The following C12orf43 variants were observed in gnomAD, a reference collection of about 807,000 sequenced individuals.
The protein encoded by C12orf43 is protein CUSTOS.
In C12orf43, 15 loss-of-function variants were observed where a neutral mutation model predicts 20.6. The observed-to-expected ratio is 0.73, with a 90% CI of 0.49 to 1.12. C12orf43 has a LOEUF of 1.12. Among genes scored for constraint, C12orf43 ranks in the 50% most tolerant of loss-of-function variants. The pLI, the probability that C12orf43 is intolerant of heterozygous loss-of-function variation, is 0.00. For missense variants in C12orf43, 334 were observed against 344.4 expected (o/e 0.97, Z 0.24); for synonymous variants, 144 against 130.8 (o/e 1.10, Z -0.69).
chr12:121,003,025 CTTTTTCTTTTTT>C lies in C12orf43; in HGVS notation c.*1116_*1127del, dbSNP rs1877637874. On this transcript the variant is annotated 3_prime_UTR_variant, in exon 6 of 6. Coordinates refer to ENST00000288757, the MANE Select transcript of C12orf43 (RefSeq NM_022895.3). ...ATGAGCTTCTACTTCTTTTCTTTTT[CTTTTTCTTTTTT>C]TTTTTTTGAGATAGGGTCTTGCTCC... The C allele has an allele frequency of 8.3e-6, 1 of 120,276 alleles. No individual in the cohort carries two copies. The highest frequency in any genetic ancestry group is 1.9e-5 in the Non-Finnish European group (1 of 53,916). 7.5% of individuals were successfully genotyped at this position (120,276 alleles called of 1,614,324 possible).
At position 121,002,122 on chromosome 12, in the gene C12orf43, C is replaced by G. The variant is rs1399553089; in HGVS notation, c.*2031G>C. The stretch of plus-strand genomic sequence containing the variant: ...GCTGAGCTCACAAGGCAGCAAGGCC[C>G]GAGCAGCTGAGCAGGGCCGGGGAAC... On this transcript the variant is annotated 3_prime_UTR_variant, in exon 6 of 6. Transcript: ENST00000288757. The G allele has an allele frequency of 1.9e-6, 1 of 529,874 alleles. No homozygotes were observed. The highest frequency in any genetic ancestry group is 1.6e-5 in the South Asian group (1 of 64,396). 32.8% of individuals were successfully genotyped at this position (529,874 alleles called of 1,614,324 possible). A position where few individuals can be genotyped will look rare whatever the true frequency, so the allele number is the denominator to read the frequency against.
chr12:121,006,389 A>C lies in C12orf43; in HGVS notation c.293T>G (p.Ile98Ser), dbSNP rs2135869363. 1 of 1,613,980 alleles carries C rather than the reference A, an allele frequency of 6.2e-7. No homozygotes were observed. The highest frequency in any genetic ancestry group is 8.5e-7 in the Non-Finnish European group (1 of 1,179,816). Residue 98 changes from isoleucine to serine, a missense_variant, in exon 4 of 6, where the codon ATT (isoleucine) becomes AGT (serine). Physicochemically the swap from Ile to Ser is moderately radical, Grantham distance 142. Coordinates refer to ENST00000288757, the MANE Select transcript of C12orf43 (RefSeq NM_022895.3). ...KKLGALLDSF[I>S]TISEAAKEPA... Reference sequence around the variant, plus strand: ...CTCCTTTGCTGCTTCTGAGATGGTAATGAAGCTACAGGGAGACGAGACGGT... The same window carrying C: ...CTCCTTTGCTGCTTCTGAGATGGTACTGAAGCTACAGGGAGACGAGACGGT...
At position 121,004,887 on chromosome 12, in the gene C12orf43, C is replaced by G. The variant is rs948255748; in HGVS notation, c.452+116G>C. The stretch of plus-strand genomic sequence containing the variant: ...GCTCATGATTTCTCCAGCTGCCTGA[C>G]AGGGCCACTGCCTTGGCCTGGTCCT... On this transcript the variant is annotated intron_variant, in intron 5 of 5. Transcript: ENST00000288757. The surrounding 1 kb of genome is among the most constrained non-coding windows in gnomAD (Gnocchi z 5.6). 8.6e-6 allele frequency: 6 copies of G among 695,874 alleles called. No homozygotes were observed. Among genetic ancestry groups the G allele is most frequent in the Non-Finnish European group, 1.1e-5 (5 of 458,966 alleles). 43.1% of individuals were successfully genotyped at this position (695,874 alleles called of 1,614,324 possible). A position where few individuals can be genotyped will look rare whatever the true frequency, so the allele number is the denominator to read the frequency against.
At chr12:121,007,305 C>T (rs1878099865) in intron 3 of C12orf43, 1 of 152,182 alleles carries the variant, frequency 6.6e-6, no homozygotes, top group Non-Finnish European at 1.5e-5. Context: ...AGTACAACAT[C>T]ACAACTAGGA....
chr12:121,010,380 C>T (rs937936826), intron 3 of C12orf43, among the ~76,000 whole-genome samples: 6 of 152,294 alleles, frequency 3.9e-5, no homozygotes, highest in African/African-American at 1.2e-4. Flanking sequence ...ATTCTGTTCC[C>T]TCCTGGGTTC....
chr12:121,010,285 C>T (rs1277390346), intron 3 of C12orf43, among the ~76,000 whole-genome samples: 2 of 152,102 alleles, frequency 1.3e-5, no homozygotes, highest in African/African-American at 2.4e-5. Flanking sequence ...CCAGCATGGG[C>T]GACAGAGTGA....
Position 121,001,181 on chromosome 12 carries a change from TCCTC to T in C12orf43, c.*2968_*2971del, listed in dbSNP as rs768672889. 2 of 1,613,882 alleles carry T rather than the reference TCCTC, an allele frequency of 1.2e-6. No homozygotes were observed. The highest frequency in any genetic ancestry group is 1.7e-6 in the Non-Finnish European group (2 of 1,179,978). ...CTTCATCTCCACCCAGATGGCCTCT[TCCTC>T]CCAGTAACCACGGCACCTGGGCCCT... On this transcript the variant is annotated 3_prime_UTR_variant, in exon 6 of 6. Transcript: ENST00000288757.
chr12:121,016,297 C>A (rs775399068), intron 1 of C12orf43, 33 bp downstream of exon 1: 1 of 1,612,612 alleles, frequency 6.2e-7, no homozygotes, highest in Non-Finnish European at 8.5e-7. Context: ...ATCCCACGCC[C>A]CTCAGCCAGT....
chr12:121,002,583 C>T lies in C12orf43; in HGVS notation c.*1570G>A. On this transcript the variant is annotated 3_prime_UTR_variant, in exon 6 of 6. Coordinates refer to ENST00000288757, the MANE Select transcript of C12orf43 (RefSeq NM_022895.3). ...GCGGGAGGCTGGGGCAGGCCAGAGG[C>T]CTGCGAAGAGGAGACAGGCTCCAGC... The T allele has an allele frequency of 2.3e-6, 1 of 433,304 alleles. No individual in the cohort carries two copies. Among genetic ancestry groups the T allele is most frequent in the Non-Finnish European group, 4.5e-6 (1 of 221,062 alleles). The allele number at this position is 433,304 out of a possible 1,614,324, so 26.8% of individuals were successfully genotyped here. A position where few individuals can be genotyped will look rare whatever the true frequency, so the allele number is the denominator to read the frequency against.
At position 121,005,189 on chromosome 12, in the gene C12orf43, TAAAAA is replaced by T; in HGVS notation, c.362-101_362-97del. The stretch of plus-strand genomic sequence containing the variant: ...AAAGAAACAAAAAAGAAAAAAATTT[TAAAAA>T]GGAAAACGAAAGAAAGAAAAGATAA... On this transcript the variant is annotated intron_variant, in intron 4 of 5. Transcript: ENST00000288757. This position sits in a 1 kb window ranked among gnomAD's most constrained non-coding sequence, Gnocchi z 5.6. 1 of 682,208 alleles carries T rather than the reference TAAAAA, an allele frequency of 1.5e-6. No homozygotes were observed. Among genetic ancestry groups the T allele is most frequent in the Non-Finnish European group, 2.1e-6 (1 of 483,354 alleles). The allele number at this position is 682,208 out of a possible 1,614,324, so 42.3% of individuals were successfully genotyped here.
chr12:121,009,082 T>A lies in C12orf43; in HGVS notation c.287+1746A>T, dbSNP rs927346139. Among the ~76,000 whole-genome samples the A allele has an allele frequency of 4.4e-4, 67 of 152,178 alleles. 1 individual carries two copies. The highest frequency in any genetic ancestry group is 1.5e-5 in the Non-Finnish European group (1 of 68,014). On this transcript the variant is annotated intron_variant, in intron 3 of 5. Transcript: ENST00000288757. ...GCTTCTTTGCTGTTGGACCTCCTTT[T>A]TTCTAAAGCCACGCTTTGGGCTAGT... is the stretch of plus-strand genomic sequence containing the variant.
intron 1 of C12orf43, chr12:121,012,591 G>A (rs1268211273): frequency 6.4e-5 from 41 of 639,938 alleles, no homozygotes; most frequent in South Asian, 4.6e-4. Flanking sequence ...GGTGGCTCAC[G>A]CCTGTAATCC....
Position 121,004,810 on chromosome 12 carries a change from A to G in C12orf43, c.452+193T>C, listed in dbSNP as rs552292489. 2.0e-5 allele frequency among the ~76,000 whole-genome samples: 3 copies of G among 152,342 alleles called. No individual in the cohort carries two copies. The South Asian group carries it at 6.2e-4, about 32-fold the overall frequency. On this transcript the variant is annotated intron_variant, in intron 5 of 5. Coordinates refer to ENST00000288757, the MANE Select transcript of C12orf43 (RefSeq NM_022895.3). This position sits in a 1 kb window ranked among gnomAD's most constrained non-coding sequence, Gnocchi z 5.6. The stretch of plus-strand genomic sequence containing the variant: ...GGTGTCTGGCCCAAGACAGGTGCTC[A>G]AAAGCAGTAAACATCCAAAGCTGCC...
chr12:121,015,951 T>G (rs894702967), intron 1 of C12orf43, among the ~76,000 whole-genome samples: 3 of 152,158 alleles, frequency 2.0e-5, no homozygotes, highest in Non-Finnish European at 2.9e-5. Flanking sequence ...AGTGATGTGC[T>G]GGGCACTGCT....
At chr12:121,014,542 A>G (rs1266233610) in intron 1 of C12orf43, among the ~76,000 whole-genome samples, 1 of 150,250 alleles carries the variant, frequency 6.7e-6, no homozygotes, top group African/African-American at 2.4e-5. Flanking sequence ...AGGCAGGAGA[A>G]TCACTTGAAC....
At chr12:121,006,236 G>C (rs186808659) in intron 4 of C12orf43, 85 bp downstream of exon 4, 3 of 953,742 alleles carry the variant, frequency 3.1e-6, no homozygotes, top group Non-Finnish European at 4.6e-6. Flanking sequence ...AAAAAAAAAA[G>C]AATATACCAA....
Position 121,001,746 on chromosome 12 carries a change from A to C in C12orf43, c.*2407T>G, listed in dbSNP as rs1465487978. The C allele has an allele frequency of 3.2e-5, 17 of 532,926 alleles. No homozygotes were observed. The highest frequency in any genetic ancestry group is 2.6e-4 in the South Asian group (17 of 64,728). The allele number at this position is 532,926 out of a possible 1,614,324, so 33.0% of individuals were successfully genotyped here. ...TGTACTGACCCCATCACCTACTCAC[A>C]CAGGCATTTCCTGGGTGGCTACTCT... On this transcript the variant is annotated 3_prime_UTR_variant, in exon 6 of 6. Coordinates refer to ENST00000288757, the MANE Select transcript of C12orf43 (RefSeq NM_022895.3).
Position 121,001,781 on chromosome 12 carries a change from C to A in C12orf43, c.*2372G>T, listed in dbSNP as rs55962050. The A allele has an allele frequency of 4.5e-5, 24 of 536,308 alleles. No individual in the cohort carries two copies. The East Asian group carries it at 8.9e-4, about 20-fold the overall frequency. The allele number at this position is 536,308 out of a possible 1,614,324, so 33.2% of individuals were successfully genotyped here. ...CCTGGGTGGCTACTCTGTGCCAGAG[C>A]CTGGGGCTCTAACGCCTGAGCCCAG... On this transcript the variant is annotated 3_prime_UTR_variant, in exon 6 of 6. Coordinates refer to ENST00000288757, the MANE Select transcript of C12orf43 (RefSeq NM_022895.3).
intron 1 of C12orf43, 127 bp from the exon 2 acceptor site, chr12:121,011,273 CAT>C (rs745475016): frequency 5.6e-5 from 30 of 539,586 alleles, no homozygotes; most frequent in Non-Finnish European, 8.5e-5. Flanking sequence ...ACATGTAACT[CAT>C]ATATATTATA....
Sources: allele counts gnomAD v4.1 joint callset (sites outside exome capture counted in the v4.1 genomes callset), GRCh38; gene constraint gnomAD v4.1.1; non-coding constraint Gnocchi (gnomAD v3.1); transcripts MANE v1.5; gene names NCBI Gene and HGNC (gene_info 2026-07-23, HGNC 2026-07-21).